Variants in AGO3 observed in about 807,000 individuals in gnomAD.
The protein encoded by AGO3 is argonaute RISC catalytic component 3.
Under a neutral mutation model 105.5 loss-of-function variants are expected in AGO3, and 16 were observed. That is an observed-to-expected ratio of 0.15 (90% confidence interval 0.10 to 0.23). The LOEUF (loss-of-function observed/expected upper bound fraction) is 0.23, where lower values mean the gene tolerates loss of function less well. Among genes scored for constraint, AGO3 ranks in the 10% least tolerant of loss-of-function variants. The probability of loss-of-function intolerance (pLI) is 1.00; values close to 1 mark genes in which losing one functional copy is unlikely to be tolerated. For synonymous variants in AGO3, 340 were observed against 367.3 expected (o/e 0.93, Z 0.85); for missense variants, 534 against 1,088.0 (o/e 0.49, Z 7.16).
chr1:35,982,628 C>T (rs1360313749), intron 5 of AGO3: 4 of 717,382 alleles, frequency 5.6e-6, no homozygotes, highest in Admixed American at 4.0e-5. Flanking sequence ...CAGAAAGAGA[C>T]CTCTGGCAGC....
At chr1:35,943,184 T>G (rs1332899607) in intron 1 of AGO3, among the ~76,000 whole-genome samples, 1 of 152,078 alleles carries the variant, frequency 6.6e-6, no homozygotes, top group Non-Finnish European at 1.5e-5. Flanking sequence ...TTTTGTATTT[T>G]TTTGGTGGAG....
intron 5 of AGO3, among the ~76,000 whole-genome samples, chr1:35,998,426 A>G (rs1302724912): frequency 2.0e-5 from 3 of 152,308 alleles, no homozygotes; most frequent in South Asian, 4.1e-4. Context: ...ATATTCCACT[A>G]TAACAGAAGT....
chr1:35,980,750 G>A (rs1277701300), intron 5 of AGO3, among the ~76,000 whole-genome samples: 3 of 152,084 alleles, frequency 2.0e-5, no homozygotes, highest in Non-Finnish European at 4.4e-5. Context: ...TTTTTTGTGT[G>A]TGATTGCTGA....
intron 5 of AGO3, among the ~76,000 whole-genome samples, chr1:35,996,370 T>G (rs1639810738): frequency 6.7e-6 from 1 of 150,344 alleles, no homozygotes; most frequent in Non-Finnish European, 1.5e-5. Context: ...AGAAAACACA[T>G]TTGCAAAACG....
chr1:36,033,686 G>T (rs1353003712), intron 12 of AGO3, among the ~76,000 whole-genome samples: 1 of 151,746 alleles, frequency 6.6e-6, no homozygotes, highest in African/African-American at 2.4e-5. Flanking sequence ...ATTTATGATG[G>T]TTATAATGGC....
chr1:35,999,293 T>G (rs1000740046), intron 5 of AGO3, among the ~76,000 whole-genome samples: 6 of 152,064 alleles, frequency 3.9e-5, no homozygotes, highest in Non-Finnish European at 5.9e-5. Context: ...TTAGCCGAGA[T>G]TACGCCACTG....
Position 35,937,415 on chromosome 1 carries a change from G to A in AGO3, c.19+5970G>A, listed in dbSNP as rs184812518. Among the ~76,000 whole-genome samples, 447 of 151,392 alleles carry A rather than the reference G, an allele frequency of 3.0e-3. 3 individuals are homozygous for A. Among genetic ancestry groups the A allele is most frequent in the Middle Eastern group, 0.017 (5 of 288 alleles). ...AAAAAAAAAAAATTGTTTCCCAGCC[G>A]GATGTGGTGGCTCCCACCTGTAATC... On this transcript the variant is annotated intron_variant, in intron 1 of 18. Coordinates refer to ENST00000373191, the MANE Select transcript of AGO3 (RefSeq NM_024852.4).
intron 5 of AGO3, among the ~76,000 whole-genome samples, chr1:35,995,205 A>ATATATAGATATATATATATATATAT (rs1553164834): frequency 1.8e-5 from 2 of 112,668 alleles, no homozygotes; most frequent in African/African-American, 8.9e-5. Context: ...TGTCTAAAAA[A>ATATATAGATATATATATATATATAT]AAAAATATAT....
intron 11 of AGO3, among the ~76,000 whole-genome samples, chr1:36,023,645 C>T (rs1479266698): frequency 6.6e-6 from 1 of 152,146 alleles, no homozygotes; most frequent in Admixed American, 6.6e-5. Flanking sequence ...GCAATTGGTA[C>T]AAGAATAGGT....
intron 5 of AGO3, among the ~76,000 whole-genome samples, chr1:35,995,209 A>AAAAATATATATATATAT (rs1237315557): frequency 8.7e-5 from 10 of 114,730 alleles, no homozygotes; most frequent in African/African-American, 3.7e-4. Context: ...TAAAAAAAAA[A>AAAAATATATATATATAT]ATATATATAT....
Position 36,057,380 on chromosome 1 carries a change from ATG to A in AGO3, c.*1639_*1640del, listed in dbSNP as rs1642953664. 1 of 151,880 alleles carries A rather than the reference ATG, an allele frequency of 6.6e-6. No homozygotes were observed. The allele number at this position is 151,880 out of a possible 1,614,324, so 9.4% of individuals were successfully genotyped here. A position where few individuals can be genotyped will look rare whatever the true frequency, so the allele number is the denominator to read the frequency against. ...TGTGTGTGTATATAAACACATATGT[ATG>A]TGTTTGGAAGTATAGCTTCCTTTTC... On this transcript the variant is annotated 3_prime_UTR_variant, in exon 19 of 19. Transcript: ENST00000373191.
chr1:36,050,880 A>T (rs1642689404), intron 17 of AGO3, among the ~76,000 whole-genome samples: 1 of 151,334 alleles, frequency 6.6e-6, no homozygotes, highest in Admixed American at 6.6e-5. Flanking sequence ...ACAGGGTCTC[A>T]CTCTGGTGAG....
chr1:35,996,531 G>A (rs1417320497), intron 5 of AGO3, among the ~76,000 whole-genome samples: 1 of 152,110 alleles, frequency 6.6e-6, no homozygotes, highest in Non-Finnish European at 1.5e-5. Flanking sequence ...AGCACTTTGG[G>A]AGGCCGAGGC....
chr1:35,998,760 C>T (rs1205347963), intron 5 of AGO3, among the ~76,000 whole-genome samples: 1 of 152,096 alleles, frequency 6.6e-6, no homozygotes, highest in Non-Finnish European at 1.5e-5. Context: ...TGTATATCCT[C>T]TATCAATCTT....
intron 1 of AGO3, among the ~76,000 whole-genome samples, chr1:35,943,009 GT>G (rs1191670222): frequency 9.6e-5 from 14 of 145,506 alleles, no homozygotes; most frequent in South Asian, 2.2e-4. Context: ...GACTGGTTTT[GT>G]TTTTTTTTTT....
intron 5 of AGO3, among the ~76,000 whole-genome samples, chr1:35,995,209 A>AAAAAATATATATATATATAT (rs1237315557): frequency 8.7e-6 from 1 of 114,790 alleles, no homozygotes; most frequent in African/African-American, 3.8e-5. Context: ...TAAAAAAAAA[A>AAAAAATATATATATATATAT]ATATATATAT....
intron 17 of AGO3, among the ~76,000 whole-genome samples, chr1:36,054,461 A>C (rs78550283): frequency 0.015 from 2,320 of 151,876 alleles, 48 homozygotes; most frequent in African/African-American, 0.053. Flanking sequence ...CCTTTTGTGG[A>C]GATGGAGCCT....
rs766405510 is a variant in AGO3 at position 36,055,752 on chromosome 1, CAAG to C, written c.*8_*10del. 182 of 1,611,780 alleles carry C rather than the reference CAAG, an allele frequency of 1.1e-4. 1 individual carries two copies. Among genetic ancestry groups the C allele is most frequent in the Non-Finnish European group, 5.9e-6 (7 of 1,178,050 alleles). ...CACAATGTACTTCGCTTAAATAGTC[CAAG>C]TATATTCTCTGAGAGGAAGTACTGA... On this transcript the variant is annotated 3_prime_UTR_variant, in exon 19 of 19. Transcript: ENST00000373191. This position sits in a 1 kb window ranked among gnomAD's most constrained non-coding sequence, Gnocchi z 4.4.
At chr1:36,022,240 C>A (rs1641271248) in intron 11 of AGO3, among the ~76,000 whole-genome samples, 1 of 151,542 alleles carries the variant, frequency 6.6e-6, no homozygotes. Flanking sequence ...AACTTTTTTT[C>A]TTTTTTTGTA....
Sources: gnomAD v4.1 joint callset for allele counts (sites outside exome capture counted in the v4.1 genomes callset) on GRCh38, gnomAD v4.1.1 for gene constraint, Gnocchi (gnomAD v3.1) non-coding constraint, MANE v1.5 for transcripts, NCBI Gene and HGNC (gene_info 2026-07-23, HGNC 2026-07-21) for gene names.